RYK: variants seen among roughly 807,000 people sequenced by gnomAD.
RYK encodes the protein inactive tyrosine-protein kinase RYK.
A neutral mutation model predicts 70.2 loss-of-function variants in RYK; 21 were observed. The observed-to-expected ratio is 0.30, with a 90% confidence interval of 0.21 to 0.43. The LOEUF (loss-of-function observed/expected upper bound fraction) is 0.43, where lower values mean the gene tolerates loss of function less well. Among genes scored for constraint, RYK ranks in the 20% least tolerant of loss-of-function variants. The pLI, the probability that RYK is intolerant of heterozygous loss-of-function variation, is 1.00. For missense variants in RYK, 604 were observed against 753.3 expected (o/e 0.80, Z 2.32); for synonymous variants, 267 against 278.0 (o/e 0.96, Z 0.39).
rs142219267 is a variant in RYK, at chr3:134,248,731, G to C, written c.232+1692C>G. On this transcript the variant is annotated intron_variant, in intron 1 of 14. Coordinates refer to ENST00000623711, the MANE Select transcript of RYK (RefSeq NM_002958.4). The stretch of plus-strand genomic sequence containing the variant: ...GTGAATCACCTGAACCCAGGAAGCA[G>C]AGATTGCAGTGAGCCGAGATCACGC... 2.2e-3 allele frequency among the ~76,000 whole-genome samples: 342 copies of C among 152,210 alleles called. 1 individual carries two copies. Among genetic ancestry groups the C allele is most frequent in the African/African-American group, 7.7e-3 (319 of 41,522 alleles).
chr3:134,248,493 A>C (rs1286729161), intron 1 of RYK, among the ~76,000 whole-genome samples: 1 of 152,240 alleles, frequency 6.6e-6, no homozygotes, highest in Non-Finnish European at 1.5e-5. Context: ...AAAACTTTGC[A>C]GCCTATGTCA....
intron 1 of RYK, among the ~76,000 whole-genome samples, chr3:134,236,759 A>T (rs2015208464): frequency 6.6e-6 from 1 of 152,196 alleles, no homozygotes; most frequent in Admixed American, 6.5e-5. Context: ...GTCCAGAAAG[A>T]AAGTTACATA....
chr3:134,217,932 G>A lies in RYK; in HGVS notation c.354+4486C>T, dbSNP rs565631839. ...ACCAGAGATTATTACCTAGAATTGG[G>A]AACTGCAATAGTGGCTGAAGCCTGA... On this transcript the variant is annotated intron_variant, in intron 2 of 14. Transcript: ENST00000623711. Among the ~76,000 whole-genome samples, 143 of 152,122 alleles carry A rather than the reference G, an allele frequency of 9.4e-4. 1 individual carries two copies. The highest frequency in any genetic ancestry group is 1.6e-3 in the Non-Finnish European group (106 of 68,002).
chr3:134,159,728 G>A (rs1288263658), intron 13 of RYK, among the ~76,000 whole-genome samples: 1 of 152,136 alleles, frequency 6.6e-6, no homozygotes, highest in Non-Finnish European at 1.5e-5. Flanking sequence ...AAAATGAACA[G>A]AATTTTAGTT....
intron 11 of RYK, 33 bp from the exon 12 acceptor site, chr3:134,176,072 TAGC>T: frequency 1.6e-6 from 2 of 1,247,810 alleles, no homozygotes; most frequent in Non-Finnish European, 2.3e-6. Flanking sequence ...GGTTTGCAAA[TAGC>T]ACACAAATAT....
intron 13 of RYK, among the ~76,000 whole-genome samples, chr3:134,174,792 T>C (rs997858301): frequency 6.6e-6 from 1 of 151,992 alleles, no homozygotes; most frequent in African/African-American, 2.4e-5. Flanking sequence ...CCAACTATGA[T>C]CTGGCTAAGT....
intron 11 of RYK, among the ~76,000 whole-genome samples, chr3:134,177,064 C>CA (rs201923402): frequency 0.37 from 16,056 of 43,710 alleles, 924 homozygotes; most frequent in South Asian, 0.48. Flanking sequence ...ACACAAAAAA[C>CA]AAAAAACAAA....
At chr3:134,250,321 G>A in intron 1 of RYK, 102 bp downstream of exon 1, 1 of 539,300 alleles carries the variant, frequency 1.9e-6, no homozygotes, top group South Asian at 5.5e-5. Flanking sequence ...GGCGGGGAGG[G>A]TACTCGCCCG....
chr3:134,177,812 G>A, intron 11 of RYK, 129 bp downstream of exon 11: 1 of 735,702 alleles, frequency 1.4e-6, no homozygotes, highest in East Asian at 2.8e-5. Flanking sequence ...TAAATATCTT[G>A]TGGTTCATTT....
chr3:134,245,419 A>G (rs2015439434), intron 1 of RYK, among the ~76,000 whole-genome samples: 1 of 152,150 alleles, frequency 6.6e-6, no homozygotes, highest in Non-Finnish European at 1.5e-5. Flanking sequence ...GGACAAACAG[A>G]AAAGGAAAGA....
chr3:134,193,146 G>A (rs958949551), intron 7 of RYK, among the ~76,000 whole-genome samples: 6 of 151,618 alleles, frequency 4.0e-5, no homozygotes, highest in Admixed American at 1.3e-4. Context: ...TCTTATTGAT[G>A]GCAACAATTT....
chr3:134,187,431 T>A (rs2013500158), intron 9 of RYK, among the ~76,000 whole-genome samples: 1 of 152,212 alleles, frequency 6.6e-6, no homozygotes, highest in African/African-American at 2.4e-5. Flanking sequence ...CTAAATTTGT[T>A]TTTAGATATT....
At chr3:134,243,727 C>T (rs754891710) in intron 1 of RYK, among the ~76,000 whole-genome samples, 1 of 152,186 alleles carries the variant, frequency 6.6e-6, no homozygotes, top group African/African-American at 2.4e-5. Flanking sequence ...CAAGATGAGG[C>T]TCAAATGTCT....
chr3:134,238,133 C>T (rs990586465), intron 1 of RYK, among the ~76,000 whole-genome samples: 1 of 152,088 alleles, frequency 6.6e-6, no homozygotes, highest in African/African-American at 2.4e-5. Context: ...TAGCTGAGAC[C>T]TAATGTTTAA....
chr3:134,213,500 TTC>T (rs2014461869), intron 2 of RYK, among the ~76,000 whole-genome samples: 1 of 151,974 alleles, frequency 6.6e-6, no homozygotes, highest in Non-Finnish European at 1.5e-5. Context: ...GCCCCAGGGA[TTC>T]TGACACAAAC....
At chr3:134,203,493 A>C (rs2014095358) in intron 5 of RYK, among the ~76,000 whole-genome samples, 3 of 152,228 alleles carry the variant, frequency 2.0e-5, no homozygotes, top group African/African-American at 7.2e-5. Context: ...TCAATAAATA[A>C]AATTAATAAA....
intron 9 of RYK, among the ~76,000 whole-genome samples, chr3:134,185,593 T>C (rs890708562): frequency 6.6e-6 from 1 of 152,220 alleles, no homozygotes; most frequent in Non-Finnish European, 1.5e-5. Flanking sequence ...ACAAACTGCT[T>C]GTGGGATTTC....
At chr3:134,211,418 A>G (rs2014387357) in intron 3 of RYK, 90 bp downstream of exon 3, 1 of 769,174 alleles carries the variant, frequency 1.3e-6, no homozygotes. Flanking sequence ...CAAGTAATAC[A>G]CACTACACAT....
intron 5 of RYK, 23 bp from the exon 6 acceptor site, chr3:134,202,897 A>G: frequency 1.9e-6 from 3 of 1,604,768 alleles, no homozygotes; most frequent in Non-Finnish European, 2.5e-6. Flanking sequence ...CAAAAAGCAC[A>G]TTTAGCTTTT....
Sources: gnomAD v4.1 joint callset for allele counts (sites outside exome capture counted in the v4.1 genomes callset) on GRCh38, gnomAD v4.1.1 for gene constraint, MANE v1.5 for transcripts, NCBI Gene and HGNC (gene_info 2026-07-23, HGNC 2026-07-21) for gene names.